LONRF1: variants seen among roughly 807,000 people sequenced by gnomAD.
LONRF1 encodes the protein LON peptidase N-terminal domain and ring finger 1, also known as LON peptidase N-terminal domain and RING finger protein 1.
In LONRF1, 37 loss-of-function variants were observed where a neutral mutation model predicts 85.8. The observed-to-expected ratio is 0.43, with a 90% CI of 0.33 to 0.57. The LOEUF (loss-of-function observed/expected upper bound fraction) is 0.57. Ranked by LOEUF, LONRF1 falls within the 20% of genes least tolerant of loss-of-function variation. The probability of loss-of-function intolerance (pLI) is 0.04; values close to 1 mark genes in which losing one functional copy is unlikely to be tolerated. For missense variants in LONRF1, 1,036 were observed against 978.0 expected (o/e 1.06, Z -0.79); for synonymous variants, 517 against 390.1 (o/e 1.33, Z -3.83).
intron 1 of LONRF1, chr8:12,753,067 T>C (rs187157603): frequency 2.0e-5 from 3 of 152,330 alleles, no homozygotes; most frequent in Admixed American, 2.0e-4. Flanking sequence ...GAGTCCAGTT[T>C]CTCTTCTCTT....
Position 12,754,924 on chromosome 8 carries a change from G to T in LONRF1, c.497C>A (p.Thr166Asn), listed in dbSNP as rs1045219406. 4.0e-6 allele frequency: 6 copies of T among 1,490,408 alleles called. No homozygotes were observed. In the African/African-American group the frequency reaches 8.8e-5, roughly 22 times the overall value. The allele number at this position is 1,490,408 out of a possible 1,614,324, so 92.3% of individuals were successfully genotyped here. ...CCCTTCAGCATCAGTGGCACTGGCG[G>T]TGGCGGGCGGCAGCCGGTCCCGGCA... ...RLCRDRLPPATASATDAEGTA... is the reference protein window; with the variant it reads ...RLCRDRLPPANASATDAEGTA... The change falls in exon 1 of 12, where the codon ACC becomes AAC. Residue 166 changes from threonine (T) to asparagine (N), a missense_variant. By Grantham distance (65) the Thr-to-Asn change is moderately conservative. Transcript: ENST00000398246.
chr8:12,751,296 G>GTTTTTTTTTTGTTT (rs1563160503), intron 1 of LONRF1, among the ~76,000 whole-genome samples: 3 of 69,560 alleles, frequency 4.3e-5, no homozygotes, highest in African/African-American at 1.0e-4. Context: ...TTATTTTTAT[G>GTTTTTTTTTTGTTT]TTTTTTTTTT....
rs147559500 is a variant in LONRF1 at position 12,740,264 on chromosome 8, G to C, written c.963+610C>G. ...TGTGAATAAGTCTTGCAAGAGCTGA[G>C]TGCTATTTTATTTCATGCTGGCATA... On this transcript the variant is annotated intron_variant, in intron 3 of 11. Coordinates refer to ENST00000398246, the MANE Select transcript of LONRF1 (RefSeq NM_152271.5). Among the ~76,000 whole-genome samples, 693 of 152,304 alleles carry C rather than the reference G, an allele frequency of 4.6e-3. 10 individuals carry two copies. The South Asian group carries it at 0.064, about 14-fold the overall frequency.
chr8:12,725,795 T>C lies in LONRF1; in HGVS notation c.2095A>G (p.Arg699Gly), dbSNP rs1172946517. 1 of 1,613,824 alleles carries C rather than the reference T, an allele frequency of 6.2e-7. No homozygotes were observed. The highest frequency in any genetic ancestry group is 8.5e-7 in the Non-Finnish European group (1 of 1,179,836). Residue 699 changes from arginine (R) to glycine (G), a missense_variant, in exon 11 of 12, where the codon AGA (arginine) becomes GGA (glycine). Around this residue, in one of 3 missense-constraint regions of LONRF1, gnomAD observed 265 missense variants for 301.5 expected, o/e 0.88. Transcript: ENST00000398246. ...SQACSWFQNL[R>G]DRFRSQILQH... is the part of the protein sequence containing the mutation. ...AGAATTTGGCTTCGAAATCTGTCTC[T>C]TAAATTCTGAAACCAGCTGCAGGCT...
rs189794329 is a variant in LONRF1, at chr8:12,729,120, C to T, written c.1847+54G>A. 15 of 1,609,902 alleles carry T rather than the reference C, an allele frequency of 9.3e-6. No homozygotes were observed. The East Asian group carries it at 3.3e-4, about 36-fold the overall frequency. Reference sequence around the variant, plus strand: ...GAAACATAAACATGCAAGTTCTCATCCATATTGAGAGGTCTAACATAAATA... The same window carrying T: ...GAAACATAAACATGCAAGTTCTCATTCATATTGAGAGGTCTAACATAAATA... On this transcript the variant is annotated intron_variant, in intron 9 of 11. Transcript: ENST00000398246.
intron 1 of LONRF1, among the ~76,000 whole-genome samples, chr8:12,743,770 C>A (rs913212476): frequency 1.3e-5 from 2 of 152,102 alleles, no homozygotes; most frequent in Non-Finnish European, 2.9e-5. Flanking sequence ...TGAGCATACA[C>A]AGTAGTCTTG....
chr8:12,729,345 CAGTTT>C lies in LONRF1; in HGVS notation c.1689-18_1689-14del, dbSNP rs1249781508. On this transcript the variant is annotated splice_polypyrimidine_tract_variant and intron_variant, in intron 8 of 11. Transcript: ENST00000398246. ...ATTCTTGGTCAAGCTAAGGGAAAAA[CAGTTT>C]AATTATTAGAATTCATACAAGAAAA... 6.2e-7 allele frequency: 1 copy of C among 1,611,182 alleles called. No homozygotes were observed. Among genetic ancestry groups the C allele is most frequent in the East Asian group, 2.2e-5 (1 of 44,850 alleles).
chr8:12,726,593 G>A (rs188546738), intron 10 of LONRF1, among the ~76,000 whole-genome samples: 1 of 152,300 alleles, frequency 6.6e-6, no homozygotes, highest in African/African-American at 2.4e-5. Flanking sequence ...TAGTCTCAGA[G>A]AACACAGGTG....
At chr8:12,729,535 C>T (rs145771977) in intron 8 of LONRF1, 14 of 511,878 alleles carry the variant, frequency 2.7e-5, no homozygotes, top group South Asian at 6.1e-5. Context: ...AATATTAATA[C>T]TGAAAATCTG....
At position 12,755,415 on chromosome 8, in the gene LONRF1, G is replaced by C. The variant is rs1799604994; in HGVS notation, c.6C>G (p.Ser2=). Reference sequence around the variant, plus strand: ...GGGAGGTCCTCGCCACCGCCGGAGAGGACATGGCCCGCGGAGGGCTGCGCC... The same window carrying C: ...GGGAGGTCCTCGCCACCGCCGGAGACGACATGGCCCGCGGAGGGCTGCGCC... M[S]SPAVARTSPG... The change falls in exon 1 of 12, where the codon TCC becomes TCG. Residue 2 remains serine, a synonymous_variant. Coordinates refer to ENST00000398246, the MANE Select transcript of LONRF1 (RefSeq NM_152271.5). 4 of 1,151,332 alleles carry C rather than the reference G, an allele frequency of 3.5e-6. No homozygotes were observed. The highest frequency in any genetic ancestry group is 1.6e-5 in the African/African-American group (1 of 61,098). 71.3% of individuals were successfully genotyped at this position (1,151,332 alleles called of 1,614,324 possible). A position where few individuals can be genotyped will look rare whatever the true frequency, so the allele number is the denominator to read the frequency against.
At chr8:12,735,615 G>C (rs766233611) in intron 6 of LONRF1, 21 of 520,070 alleles carry the variant, frequency 4.0e-5, no homozygotes, top group East Asian at 3.3e-4. Flanking sequence ...CAAAGGCCTA[G>C]AGCCAAGGGC....
At position 12,754,873 on chromosome 8, in the gene LONRF1, G is replaced by A. The variant is rs1256566051; in HGVS notation, c.548C>T (p.Ala183Val). Residue 183 changes from alanine to valine, a missense_variant, in exon 1 of 12, where the codon GCC becomes GTC. Coordinates refer to ENST00000398246, the MANE Select transcript of LONRF1 (RefSeq NM_152271.5). The stretch of plus-strand genomic sequence containing the variant: ...GAAGTCTGAAGCGGCGATGGCGGCG[G>A]CCAGAGGCGGCGGCCGCGGGGCGGT... Reference protein sequence around the residue: ...EGTAPRPPPLAAAIAASDFRT... With the variant: ...EGTAPRPPPLVAAIAASDFRT... 4 of 1,493,628 alleles carry A rather than the reference G, an allele frequency of 2.7e-6. No individual in the cohort carries two copies. In the African/African-American group the frequency reaches 5.8e-5, roughly 22 times the overall value. The allele number at this position is 1,493,628 out of a possible 1,614,324, so 92.5% of individuals were successfully genotyped here.
chr8:12,752,836 G>T (rs997880636), intron 1 of LONRF1, among the ~76,000 whole-genome samples: 1 of 152,284 alleles, frequency 6.6e-6, no homozygotes, highest in East Asian at 1.9e-4. Flanking sequence ...CTGTCCATAA[G>T]GTTCAGCCTC....
At chr8:12,724,240 G>A (rs918493883) in intron 11 of LONRF1, among the ~76,000 whole-genome samples, 1 of 152,198 alleles carries the variant, frequency 6.6e-6, no homozygotes, top group South Asian at 2.1e-4. Flanking sequence ...GTTGGGTGTG[G>A]AAGCTGGAAG....
intron 10 of LONRF1, 175 bp from the exon 11 acceptor site, chr8:12,726,054 G>T: frequency 1.8e-6 from 1 of 545,864 alleles, no homozygotes; most frequent in Non-Finnish European, 3.1e-6. Flanking sequence ...CTCATATAGG[G>T]CTGACCAGAC....
rs372985198 is a variant in LONRF1, at chr8:12,723,048, C to G, written c.*48G>C. 2.0e-5 allele frequency: 29 copies of G among 1,485,820 alleles called. No individual in the cohort carries two copies. The highest frequency in any genetic ancestry group is 1.5e-4 in the Admixed American group (7 of 45,942). The allele number at this position is 1,485,820 out of a possible 1,614,324, so 92.0% of individuals were successfully genotyped here. ...CAAAGGCAGCAGACAATCTGGCCAT[C>G]AATGCAGCCAGATTAGGGTCACTTT... is the stretch of plus-strand genomic sequence containing the variant. On this transcript the variant is annotated 3_prime_UTR_variant, in exon 12 of 12. Coordinates refer to ENST00000398246, the MANE Select transcript of LONRF1 (RefSeq NM_152271.5).
intron 2 of LONRF1, among the ~76,000 whole-genome samples, chr8:12,742,699 T>A (rs1798985367): frequency 6.6e-6 from 1 of 151,884 alleles, no homozygotes; most frequent in South Asian, 2.1e-4. Flanking sequence ...TCTTATAATT[T>A]AAAAAATTGT....
intron 7 of LONRF1, among the ~76,000 whole-genome samples, chr8:12,732,252 A>G (rs1427054242): frequency 1.3e-5 from 2 of 152,170 alleles, no homozygotes; most frequent in Non-Finnish European, 2.9e-5. Context: ...AAAATAACAC[A>G]TTTGCCTTAT....
intron 1 of LONRF1, among the ~76,000 whole-genome samples, chr8:12,747,767 T>C (rs897278760): frequency 5.8e-4 from 89 of 152,274 alleles, no homozygotes; most frequent in Admixed American, 2.2e-3. Context: ...TTTTTTTTTT[T>C]TTTTTTTAGA....
Sources: allele counts gnomAD v4.1 joint callset (sites outside exome capture counted in the v4.1 genomes callset), GRCh38; gene constraint gnomAD v4.1.1; regional missense constraint gnomAD v4.1.1; transcripts MANE v1.5; gene names NCBI Gene and HGNC (gene_info 2026-07-23, HGNC 2026-07-21).